The following ARHGEF9 variants were observed in gnomAD, a reference collection of about 807,000 sequenced individuals.
ARHGEF9 encodes Cdc42 guanine nucleotide exchange factor 9.
In ARHGEF9, 2 loss-of-function variants were observed where a neutral mutation model predicts 41.3. That is an observed-to-expected ratio of 0.05 (90% CI 0.02 to 0.15). The LOEUF (loss-of-function observed/expected upper bound fraction) is 0.15. ARHGEF9 is among the 10% of genes least tolerant of loss of function. The pLI, the probability that ARHGEF9 is intolerant of heterozygous loss-of-function variation, is 1.00. For synonymous variants in ARHGEF9, 160 were observed against 154.4 expected, an observed-to-expected ratio of 1.04 and a Z score of -0.27; for missense variants, 225 against 424.7, an observed-to-expected ratio of 0.53 and a Z score of 4.13.
At chrX:63,698,425 A>G (rs1556391448) in intron 3 of ARHGEF9, among the ~76,000 whole-genome samples, 1 of 111,113 alleles carries the variant, frequency 9.0e-6, no homozygotes, top group Non-Finnish European at 1.9e-5. Context: ...TTTTCACTTG[A>G]TAGTTACTGT....
chrX:63,667,398 C>T (rs1400250488), intron 6 of ARHGEF9, among the ~76,000 whole-genome samples: 4 of 111,160 alleles, frequency 3.6e-5, no homozygotes, highest in Admixed American at 2.9e-4. Flanking sequence ...TTGGAGAACC[C>T]GTTCCTTCCT....
intron 1 of ARHGEF9, among the ~76,000 whole-genome samples, chrX:63,734,408 G>A (rs376924512): frequency 8.9e-6 from 1 of 112,030 alleles, no homozygotes; most frequent in South Asian, 3.8e-4. Context: ...CACTTCTGAC[G>A]CATTACAACA....
intron 1 of ARHGEF9, 72 bp from the exon 2 acceptor site, chrX:63,724,783 C>T: frequency 9.7e-7 from 1 of 1,036,017 alleles, no homozygotes. Flanking sequence ...ACCCACAGAG[C>T]TCTACTACTT....
intron 1 of ARHGEF9, among the ~76,000 whole-genome samples, chrX:63,744,024 C>T (rs1344339896): frequency 5.4e-5 from 6 of 112,098 alleles, no homozygotes; most frequent in African/African-American, 1.9e-4. Flanking sequence ...AAAAAGAGTC[C>T]TCCAAAAATG....
At position 63,743,853 on chromosome X, in the gene ARHGEF9, C is replaced by T. The variant is rs1371794870; in HGVS notation, c.31-19142G>A. ...AAAGTTAGTCTGCTCTTCATAGCAG[C>T]GAGTGTGTGACTGCATGGGAAATGG... On this transcript the variant is annotated intron_variant, in intron 1 of 9. Transcript: ENST00000671741. Among the ~76,000 whole-genome samples the T allele has an allele frequency of 2.7e-5, 3 of 111,627 alleles. No individual in the cohort carries two copies. The Admixed American group carries it at 2.9e-4, about 11-fold the overall frequency.
At chrX:63,743,506 T>C (rs1556429265) in intron 1 of ARHGEF9, 1 of 112,895 alleles carries the variant, frequency 8.9e-6, no homozygotes, top group Non-Finnish European at 1.9e-5. Flanking sequence ...CAGTAGTCTT[T>C]ATCTTCTTGT....
intron 1 of ARHGEF9, among the ~76,000 whole-genome samples, chrX:63,771,895 C>A (rs1433770871): frequency 1.8e-5 from 2 of 111,470 alleles, no homozygotes; most frequent in African/African-American, 6.5e-5. Context: ...TAAAGTCTGA[C>A]CTTCCCTGAG....
At chrX:63,713,989 T>C (rs1569485475) in intron 2 of ARHGEF9, among the ~76,000 whole-genome samples, 1 of 111,519 alleles carries the variant, frequency 9.0e-6, no homozygotes, top group Non-Finnish European at 1.9e-5. Context: ...CAATGAGAAA[T>C]AAGGAGCTTC....
chrX:63,652,033 T>C, intron 8 of ARHGEF9, among the ~76,000 whole-genome samples: 1 of 111,351 alleles, frequency 9.0e-6, no homozygotes, highest in East Asian at 2.8e-4. Flanking sequence ...ATGCTAGGAG[T>C]ATAGATTCTA....
chrX:63,724,420 T>C (rs1203198724), intron 2 of ARHGEF9, 112 bp downstream of exon 2: 3 of 890,298 alleles, frequency 3.4e-6, no homozygotes, highest in Non-Finnish European at 4.6e-6. Context: ...AGGAAAAAAA[T>C]ATGAGAAAAG....
At chrX:63,660,647 G>C (rs2049158340) in intron 7 of ARHGEF9, among the ~76,000 whole-genome samples, 1 of 111,966 alleles carries the variant, frequency 8.9e-6, no homozygotes, top group Non-Finnish European at 1.9e-5. Flanking sequence ...CTCTGCTTTT[G>C]TTTACAATGT....
At chrX:63,774,823 T>C (rs2056264779) in intron 1 of ARHGEF9, among the ~76,000 whole-genome samples, 1 of 111,955 alleles carries the variant, frequency 8.9e-6, no homozygotes, top group African/African-American at 3.2e-5. Context: ...AGTTAACATA[T>C]GCAACTAATC....
intron 1 of ARHGEF9, among the ~76,000 whole-genome samples, chrX:63,738,871 G>A (rs1379583844): frequency 1.8e-5 from 2 of 110,973 alleles, no homozygotes; most frequent in African/African-American, 3.3e-5. Flanking sequence ...CCCTCTTCTG[G>A]GCTCAGAATA....
In ARHGEF9 at chrX:63,685,096, A is replaced by G. The variant is rs782201902; in HGVS notation, c.583-6524T>C. ...TCAACATTATTGTATTATACACTGG[A>G]AATTTGCTAAGAGAGTAAATTTTAG... On this transcript the variant is annotated intron_variant, in intron 4 of 9. Coordinates refer to ENST00000671741, the MANE Select transcript of ARHGEF9 (RefSeq NM_001353921.2). 2.4e-3 allele frequency among the ~76,000 whole-genome samples: 271 copies of G among 111,097 alleles called. 2 individuals are homozygous for G. The highest frequency in any genetic ancestry group is 4.3e-3 in the Non-Finnish European group (228 of 52,840).
At chrX:63,676,025 T>C (rs1211235287) in intron 5 of ARHGEF9, among the ~76,000 whole-genome samples, 2 of 112,110 alleles carry the variant, frequency 1.8e-5, no homozygotes, top group Non-Finnish European at 3.8e-5. Flanking sequence ...CGCACATCTT[T>C]GCACAACTGC....
chrX:63,773,670 T>C (rs1201513690), intron 1 of ARHGEF9, among the ~76,000 whole-genome samples: 1 of 112,038 alleles, frequency 8.9e-6, no homozygotes, highest in African/African-American at 3.2e-5. Context: ...GTGAGGACTT[T>C]TCCAGATGCA....
In ARHGEF9 at chrX:63,754,846, C is replaced by G. The variant is rs1215912704; in HGVS notation, c.31-30135G>C. 9 of 937,820 alleles carry G rather than the reference C, an allele frequency of 9.6e-6. No individual in the cohort carries two copies. The Admixed American group carries it at 4.0e-4, about 42-fold the overall frequency. The allele number at this position is 937,820 out of a possible 1,213,427, so 77.3% of individuals were successfully genotyped here. On this transcript the variant is annotated intron_variant, in intron 1 of 9. Coordinates refer to ENST00000671741, the MANE Select transcript of ARHGEF9 (RefSeq NM_001353921.2). ...AAATCTTAGCTTGCGCTGAAGTCGG[C>G]AGAGTCCAGCATTCTCTCTCGGGCG...
intron 6 of ARHGEF9, 107 bp downstream of exon 6, chrX:63,673,931 A>G (rs1311463296): frequency 1.3e-5 from 13 of 998,188 alleles, no homozygotes; most frequent in Non-Finnish European, 1.4e-5. Context: ...CTAAATCCTT[A>G]CTGTTGCTCT....
At chrX:63,754,841 G>C (rs1602718986) in intron 1 of ARHGEF9, 2 of 940,095 alleles carry the variant, frequency 2.1e-6, no homozygotes, top group Non-Finnish European at 2.6e-6. Context: ...TTGCGCTGAA[G>C]TCGGCAGAGT....
Sources: allele counts gnomAD v4.1 joint callset (sites outside exome capture counted in the v4.1 genomes callset), GRCh38; gene constraint gnomAD v4.1.1; transcripts MANE v1.5; gene names NCBI Gene and HGNC (gene_info 2026-07-23, HGNC 2026-07-21).